Variants in PTPRN2 observed in about 807,000 individuals in gnomAD.
PTPRN2 encodes receptor-type tyrosine-protein phosphatase N2.
PTPRN2 carries 74 observed loss-of-function variants against 118.8 expected under a neutral mutation model. The observed-to-expected ratio is 0.62, with a 90% confidence interval of 0.52 to 0.76. The LOEUF is 0.76. PTPRN2 is among the 30% of genes least tolerant of loss of function. The pLI is 0.00. For synonymous variants in PTPRN2, 641 were observed against 608.0 expected, an observed-to-expected ratio of 1.05 and a Z score of -0.80; for missense variants, 1,481 against 1,394.4, an observed-to-expected ratio of 1.06 and a Z score of -0.99.
intron 2 of PTPRN2, among the ~76,000 whole-genome samples, chr7:158,408,900 C>T (rs926119190): frequency 3.3e-5 from 5 of 151,864 alleles, no homozygotes; most frequent in Non-Finnish European, 7.4e-5. Context: ...ACACCAAACA[C>T]AGCCTAAAAC....
At chr7:158,185,910 T>C (rs965513008) in intron 5 of PTPRN2, among the ~76,000 whole-genome samples, 1 of 152,160 alleles carries the variant, frequency 6.6e-6, no homozygotes, top group African/African-American at 2.4e-5. Context: ...CTTAGAAAGA[T>C]TCAACAGATC....
chr7:157,773,410 C>G (rs1280439541), intron 12 of PTPRN2, among the ~76,000 whole-genome samples: 2 of 152,232 alleles, frequency 1.3e-5, no homozygotes, highest in African/African-American at 4.8e-5. Context: ...GGACTCTTAC[C>G]CTGACGAGCT....
At chr7:158,561,614 A>T (rs1827391260) in intron 1 of PTPRN2, among the ~76,000 whole-genome samples, 1 of 152,202 alleles carries the variant, frequency 6.6e-6, no homozygotes, top group African/African-American at 2.4e-5. Flanking sequence ...CAAGACTGGC[A>T]GCTTTGGCCT....
chr7:157,811,009 T>C (rs1051937619), intron 12 of PTPRN2, among the ~76,000 whole-genome samples: 1 of 152,058 alleles, frequency 6.6e-6, no homozygotes, highest in African/African-American at 2.4e-5. Context: ...CTGTGGCTCA[T>C]GCCTGTAATC....
chr7:157,682,618 T>A, intron 13 of PTPRN2, 107 bp downstream of exon 13: 2 of 1,187,558 alleles, frequency 1.7e-6, no homozygotes, highest in South Asian at 1.3e-5. Flanking sequence ...CAAACTATGA[T>A]ACAGGAACAA....
intron 1 of PTPRN2, among the ~76,000 whole-genome samples, chr7:158,493,096 A>G (rs1437674386): frequency 2.0e-5 from 3 of 152,186 alleles, no homozygotes; most frequent in African/African-American, 7.2e-5. Context: ...ACATTCCCCA[A>G]ATTCTCAAAT....
intron 3 of PTPRN2, among the ~76,000 whole-genome samples, chr7:158,276,891 G>A (rs969071899): frequency 2.6e-5 from 4 of 152,200 alleles, no homozygotes; most frequent in Non-Finnish European, 4.4e-5. Context: ...AGCTGGGGCC[G>A]AGGGGGCCAT....
chr7:158,175,412 G>A (rs1234466145), intron 5 of PTPRN2, among the ~76,000 whole-genome samples: 1 of 152,172 alleles, frequency 6.6e-6, no homozygotes, highest in Non-Finnish European at 1.5e-5. Flanking sequence ...TCGGGCCTTA[G>A]AGAGGTGATT....
intron 12 of PTPRN2, among the ~76,000 whole-genome samples, chr7:157,751,037 C>T (rs529264150): frequency 3.2e-4 from 49 of 152,368 alleles, no homozygotes; most frequent in Admixed American, 3.1e-3. Flanking sequence ...CACCAGTGAG[C>T]GTCCTGCCCA....
At chr7:158,137,754 T>TG in intron 7 of PTPRN2, among the ~76,000 whole-genome samples, 1 of 152,312 alleles carries the variant, frequency 6.6e-6, no homozygotes, top group African/African-American at 2.4e-5. Context: ...CTGCCATGTG[T>TG]GGGGAGCTGA....
intron 12 of PTPRN2, among the ~76,000 whole-genome samples, chr7:157,826,056 A>G (rs1374192982): frequency 1.3e-5 from 2 of 152,140 alleles, no homozygotes; most frequent in Non-Finnish European, 2.9e-5. Flanking sequence ...ACCACCAGTA[A>G]ATAGAACGGC....
chr7:157,694,893 A>G (rs1269745044), intron 12 of PTPRN2, among the ~76,000 whole-genome samples: 2 of 152,140 alleles, frequency 1.3e-5, no homozygotes, highest in East Asian at 1.9e-4. Flanking sequence ...AGACATGTTG[A>G]TTGAAATCAT....
rs895015989 is a variant in PTPRN2 at position 157,779,439 on chromosome 7, G to A, written c.1789-96502C>T. On this transcript the variant is annotated intron_variant, in intron 12 of 22. Coordinates refer to ENST00000389418, the MANE Select transcript of PTPRN2 (RefSeq NM_002847.5). This position sits in a 1 kb window ranked among gnomAD's most constrained non-coding sequence, Gnocchi z 4.7. ...AGGCTGCCAGAATGACCGCCCACCCGCTGCCCCTCACCACACACTGCTGCA... is the reference window on the plus strand; with the variant it reads ...AGGCTGCCAGAATGACCGCCCACCCACTGCCCCTCACCACACACTGCTGCA... Among the ~76,000 whole-genome samples the A allele has an allele frequency of 3.3e-5, 5 of 152,228 alleles. No individual in the cohort carries two copies. Among genetic ancestry groups the A allele is most frequent in the East Asian group, 3.9e-4 (2 of 5,168 alleles).
At chr7:158,355,054 A>T (rs1336110206) in intron 2 of PTPRN2, among the ~76,000 whole-genome samples, 1 of 151,948 alleles carries the variant, frequency 6.6e-6, no homozygotes, top group Non-Finnish European at 1.5e-5. Flanking sequence ...GTCACCCAAG[A>T]ATACTGTATC....
intron 22 of PTPRN2, among the ~76,000 whole-genome samples, chr7:157,544,921 G>T (rs1431246546): frequency 6.7e-6 from 1 of 150,098 alleles, no homozygotes; most frequent in East Asian, 2.0e-4. Flanking sequence ...CAGCAGTGCA[G>T]GTGTGCATGG....
intron 11 of PTPRN2, among the ~76,000 whole-genome samples, chr7:157,922,821 CAAAT>C (rs10544048): frequency 0.6 from 91,867 of 151,880 alleles, 27,977 homozygotes; most frequent in African/African-American, 0.67. Context: ...TTCTAAGTCA[CAAAT>C]AACACAGCTA....
chr7:158,399,829 A>G (rs1265265901), intron 2 of PTPRN2, among the ~76,000 whole-genome samples: 2 of 152,208 alleles, frequency 1.3e-5, no homozygotes, highest in Non-Finnish European at 2.9e-5. Context: ...GGGGTGGTGT[A>G]GCTGAGGTAT....
chr7:158,271,780 G>A lies in PTPRN2; in HGVS notation c.277+45039C>T, dbSNP rs190797007. On this transcript the variant is annotated intron_variant, in intron 3 of 22. Transcript: ENST00000389418. ...GGCCTTCCCCTGTCATCTCACAGCAGAAGGGGTGAAGAAGCGTCCTGAGGC... is the reference window on the plus strand; with the variant it reads ...GGCCTTCCCCTGTCATCTCACAGCAAAAGGGGTGAAGAAGCGTCCTGAGGC... 2.1e-3 allele frequency among the ~76,000 whole-genome samples: 315 copies of A among 152,264 alleles called. 2 individuals carry two copies. The highest frequency in any genetic ancestry group is 3.5e-3 in the Non-Finnish European group (236 of 68,022).
chr7:158,150,720 G>T (rs1820914981), intron 6 of PTPRN2, among the ~76,000 whole-genome samples: 1 of 151,992 alleles, frequency 6.6e-6, no homozygotes, highest in Non-Finnish European at 1.5e-5. Flanking sequence ...GGGTGATCAT[G>T]GTGATCTGCA....
Sources: allele counts gnomAD v4.1 joint callset (sites outside exome capture counted in the v4.1 genomes callset), GRCh38; gene constraint gnomAD v4.1.1; non-coding constraint Gnocchi (gnomAD v3.1); transcripts MANE v1.5; gene names NCBI Gene and HGNC (gene_info 2026-07-23, HGNC 2026-07-21).